Variants in EXOC6B observed in about 807,000 individuals in gnomAD.
The protein encoded by EXOC6B is exocyst complex component 6B, also known as SEC15 homolog B.
In EXOC6B, 54 loss-of-function variants were observed where a neutral mutation model predicts 113.5. The observed-to-expected ratio is 0.48, with a 90% confidence interval of 0.38 to 0.60. The LOEUF is 0.60. Among genes scored for constraint, EXOC6B ranks in the 20% least tolerant of loss-of-function variants. The probability of loss-of-function intolerance (pLI) is 0.00; values close to 1 mark genes in which losing one functional copy is unlikely to be tolerated. For missense variants in EXOC6B, 797 were observed against 977.5 expected, an observed-to-expected ratio of 0.82 and a Z score of 2.46; for synonymous variants, 357 against 339.0, an observed-to-expected ratio of 1.05 and a Z score of -0.58.
At position 72,653,017 on chromosome 2, in the gene EXOC6B, C is replaced by T. The variant is rs1167470247; in HGVS notation, c.669+65086G>A. ...TTAATTTTTAAAAGAAAACATTACT[C>T]TTTTATAATCCTGTTGCCATTTTCC... On this transcript the variant is annotated intron_variant, in intron 6 of 21. Transcript: ENST00000272427. Among the ~76,000 whole-genome samples the T allele has an allele frequency of 5.9e-5, 9 of 151,738 alleles. No individual in the cohort carries two copies. The East Asian group carries it at 1.7e-3, about 29-fold the overall frequency.
At chr2:72,590,341 A>G (rs1705858688) in intron 6 of EXOC6B, among the ~76,000 whole-genome samples, 1 of 152,062 alleles carries the variant, frequency 6.6e-6, no homozygotes, top group African/African-American at 2.4e-5. Flanking sequence ...AAAAGTTATA[A>G]AAATGAAAAT....
intron 6 of EXOC6B, among the ~76,000 whole-genome samples, chr2:72,589,078 T>C (rs1188534945): frequency 2.0e-5 from 3 of 152,004 alleles, no homozygotes. Flanking sequence ...AGAGTCACGA[T>C]ACCTAATTTG....
chr2:72,671,783 G>GAAAGAAAGAAAGAAAGAAAGAAAGAA (rs1675855659), intron 6 of EXOC6B, among the ~76,000 whole-genome samples: 22 of 106,170 alleles, frequency 2.1e-4, no homozygotes, highest in African/African-American at 9.7e-4. Context: ...AAGAAAGAAA[G>GAAAGAAAGAAAGAAAGAAAGAAAGAA]AAAGAAAGAA....
intron 1 of EXOC6B, among the ~76,000 whole-genome samples, chr2:72,810,681 T>TA (rs1305484653): frequency 6.6e-6 from 1 of 151,938 alleles, no homozygotes; most frequent in African/African-American, 2.4e-5. Context: ...TTTGAAACCA[T>TA]AAAATTGACA....
At chr2:72,766,825 G>A (rs1469505947) in intron 1 of EXOC6B, among the ~76,000 whole-genome samples, 2 of 151,706 alleles carry the variant, frequency 1.3e-5, no homozygotes, top group African/African-American at 4.8e-5. Context: ...GTAGTGGTGC[G>A]CGTCTGTAAT....
chr2:72,538,115 A>T (rs2105779958), intron 8 of EXOC6B, among the ~76,000 whole-genome samples: 1 of 151,548 alleles, frequency 6.6e-6, no homozygotes, highest in Admixed American at 6.6e-5. Context: ...GTACAACCAC[A>T]GCCGGCTAAT....
chr2:72,816,242 G>A (rs1457675274), intron 1 of EXOC6B, among the ~76,000 whole-genome samples: 1 of 147,434 alleles, frequency 6.8e-6, no homozygotes, highest in African/African-American at 2.5e-5. Flanking sequence ...ATTTTTTCTG[G>A]CAAAAGGCTG....
At chr2:72,495,753 G>A (rs1558731022) in intron 14 of EXOC6B, among the ~76,000 whole-genome samples, 1 of 152,074 alleles carries the variant, frequency 6.6e-6, no homozygotes, top group Non-Finnish European at 1.5e-5. Flanking sequence ...ATCATGGAAA[G>A]AGATAAACAA....
rs145240730 is a variant in EXOC6B at position 72,306,774 on chromosome 2, C to T, written c.2196+28173G>A. 6.2e-3 allele frequency among the ~76,000 whole-genome samples: 944 copies of T among 152,214 alleles called. 23 individuals are homozygous for T. The highest frequency in any genetic ancestry group is 0.049 in the Admixed American group (744 of 15,282). ...AGTCTACACTTCCAAAAATCTTGTC[C>T]GTTGTAATGGGCAGTAAAGTTTCCA... On this transcript the variant is annotated intron_variant, in intron 20 of 21. Transcript: ENST00000272427.
At chr2:72,279,113 G>C (rs373289031) in intron 20 of EXOC6B, among the ~76,000 whole-genome samples, 3 of 152,256 alleles carry the variant, frequency 2.0e-5, no homozygotes, top group African/African-American at 7.2e-5. Context: ...GATACCAAAA[G>C]GATTTTCATT....
At chr2:72,428,017 C>G (rs1484849999) in intron 18 of EXOC6B, among the ~76,000 whole-genome samples, 1 of 152,150 alleles carries the variant, frequency 6.6e-6, no homozygotes, top group Non-Finnish European at 1.5e-5. Context: ...GAGCTACCCT[C>G]TCCTAGAAGC....
At chr2:72,748,762 G>C (rs1681858054) in intron 1 of EXOC6B, among the ~76,000 whole-genome samples, 1 of 151,982 alleles carries the variant, frequency 6.6e-6, no homozygotes, top group Admixed American at 6.6e-5. Context: ...AGGAATAAAA[G>C]CAGGGTGGAG....
chr2:72,644,934 A>C (rs1673578101), intron 6 of EXOC6B, among the ~76,000 whole-genome samples: 1 of 152,292 alleles, frequency 6.6e-6, no homozygotes, highest in Admixed American at 6.5e-5. Context: ...ATTCACACAT[A>C]ACAATATTAA....
intron 1 of EXOC6B, among the ~76,000 whole-genome samples, chr2:72,777,358 A>G (rs1023643377): frequency 6.6e-6 from 1 of 152,210 alleles, no homozygotes; most frequent in African/African-American, 2.4e-5. Flanking sequence ...GAAACCATGG[A>G]GGCTAGAAGA....
chr2:72,442,352 G>T (rs1320943663), intron 18 of EXOC6B, among the ~76,000 whole-genome samples: 1 of 152,108 alleles, frequency 6.6e-6, no homozygotes, highest in Non-Finnish European at 1.5e-5. Flanking sequence ...CACAAGACAA[G>T]GATGCCCTCT....
intron 8 of EXOC6B, among the ~76,000 whole-genome samples, chr2:72,525,033 T>C (rs1701685903): frequency 6.6e-6 from 1 of 152,206 alleles, no homozygotes. Context: ...CTGTTTGTCT[T>C]GGCATTTCCT....
chr2:72,562,956 C>T (rs1703971344), intron 7 of EXOC6B, among the ~76,000 whole-genome samples: 1 of 151,984 alleles, frequency 6.6e-6, no homozygotes, highest in South Asian at 2.1e-4. Flanking sequence ...GTTTCATCAC[C>T]AAGGACAGCA....
At chr2:72,461,265 G>A (rs894216964) in intron 18 of EXOC6B, among the ~76,000 whole-genome samples, 3 of 148,098 alleles carry the variant, frequency 2.0e-5, no homozygotes, top group African/African-American at 5.0e-5. Context: ...GCTAAATGAC[G>A]AGTTAATGAG....
At chr2:72,810,115 G>A (rs1685804674) in intron 1 of EXOC6B, among the ~76,000 whole-genome samples, 2 of 152,016 alleles carry the variant, frequency 1.3e-5, no homozygotes, top group South Asian at 4.1e-4. Context: ...CAAACACTTG[G>A]AAACTAAACA....
Sources: gnomAD v4.1 joint callset for allele counts (sites outside exome capture counted in the v4.1 genomes callset) on GRCh38, gnomAD v4.1.1 for gene constraint, MANE v1.5 for transcripts, NCBI Gene and HGNC (gene_info 2026-07-23, HGNC 2026-07-21) for gene names.